VPS13C: variants seen among roughly 807,000 people sequenced by gnomAD.
VPS13C encodes the protein intermembrane lipid transfer protein VPS13C.
In VPS13C, 358 loss-of-function variants were observed where a neutral mutation model predicts 456.8. The observed-to-expected ratio is 0.78, with a 90% confidence interval of 0.72 to 0.86. VPS13C has a LOEUF of 0.86. VPS13C is among the 40% of genes least tolerant of loss of function. The probability of loss-of-function intolerance (pLI) is 0.00; values close to 1 mark genes in which losing one functional copy is unlikely to be tolerated. For missense variants in VPS13C, 4,818 were observed against 4,385.4 expected (o/e 1.10, Z -2.79); for synonymous variants, 1,578 against 1,486.7 (o/e 1.06, Z -1.41).
intron 16 of VPS13C, among the ~76,000 whole-genome samples, chr15:61,999,904 TAA>T (rs71125961): frequency 0.075 from 8,765 of 116,212 alleles, 356 homozygotes; most frequent in Middle Eastern, 0.11. Context: ...AAAGAAAAAG[TAA>T]AAAAAAAAAA....
In VPS13C at chr15:61,972,757, A is replaced by G; in HGVS notation, c.2625T>C (p.Asp875=). Residue 875 remains aspartate (D), a synonymous_variant, in exon 27 of 85, where the codon GAT becomes GAC. Coordinates refer to ENST00000644861, the MANE Select transcript of VPS13C (RefSeq NM_020821.3). ...CATCTTCAGCATCAAAATACTCATC[A>G]TCAGACTCTAAAGGAAAAAGACATT... ...LLLDTVESES[D]DEYFDAEDGE... 6.2e-7 allele frequency: 1 copy of G among 1,609,882 alleles called. No homozygotes were observed. The highest frequency in any genetic ancestry group is 8.5e-7 in the Non-Finnish European group (1 of 1,178,112).
chr15:61,891,695 A>C (rs973952311), intron 66 of VPS13C, among the ~76,000 whole-genome samples: 2 of 152,136 alleles, frequency 1.3e-5, no homozygotes, highest in Non-Finnish European at 2.9e-5. Flanking sequence ...TATGGCTATC[A>C]CTCCTTCTGT....
In VPS13C at chr15:61,876,988, C is replaced by T. The variant is rs780816474; in HGVS notation, c.10209G>A (p.Arg3403=). The change falls in exon 75 of 85, where the codon AGG becomes AGA. Residue 3403 remains arginine, a synonymous_variant. Transcript: ENST00000644861. ...AGGAAATTACCTGTTCACTGTAATG[C>T]CTAACAACACTCCATATAAGCTGAT... The part of the protein sequence containing the change: ...KRDQLIWSVV[R]HYSEQFLKQM... 25 of 1,607,310 alleles carry T rather than the reference C, an allele frequency of 1.6e-5. No homozygotes were observed. The South Asian group carries it at 2.8e-4, about 18-fold the overall frequency.
In VPS13C at chr15:61,991,812, A is replaced by T; in HGVS notation, c.1354-10T>A. On this transcript the variant is annotated splice_polypyrimidine_tract_variant and intron_variant, in intron 16 of 84. Coordinates refer to ENST00000644861, the MANE Select transcript of VPS13C (RefSeq NM_020821.3). ...GCCCAGACCGAATCACCTGAAAAAT[A>T]AAAATTAAAAAATTTACTTTAAGAA... 1 of 1,606,896 alleles carries T rather than the reference A, an allele frequency of 6.2e-7. No homozygotes were observed. Among genetic ancestry groups the T allele is most frequent in the Non-Finnish European group, 8.5e-7 (1 of 1,177,428 alleles).
rs1018081544 is a variant in VPS13C at position 61,920,301 on chromosome 15, C to CA, written c.7242dup (p.Asp2415Ter). 5.0e-6 allele frequency: 8 copies of CA among 1,607,756 alleles called. No homozygotes were observed. The highest frequency in any genetic ancestry group is 6.0e-6 in the Non-Finnish European group (7 of 1,175,822). On this transcript the variant is annotated frameshift_variant, in exon 57 of 85. Transcript: ENST00000644861. LOFTEE classifies it high-confidence loss of function. ...GGAGCTCTGTCCTTTAAAGAGTAGTCAAAAGTAGAAGCAGTGCCCTCTGAA... is the reference window on the plus strand; with the variant it reads ...GGAGCTCTGTCCTTTAAAGAGTAGTCAAAAAGTAGAAGCAGTGCCCTCTGAA...
At chr15:61,998,842 C>T (rs1228201429) in intron 16 of VPS13C, among the ~76,000 whole-genome samples, 1 of 152,080 alleles carries the variant, frequency 6.6e-6, no homozygotes. Flanking sequence ...CTTTCTCCTC[C>T]CACTCCTCAG....
intron 48 of VPS13C, 98 bp from the exon 49 acceptor site, chr15:61,934,429 T>C (rs2044158085): frequency 1.7e-6 from 1 of 585,256 alleles, no homozygotes; most frequent in African/African-American, 1.9e-5. Context: ...TATGACGCTT[T>C]CTGGGATTCT....
At chr15:61,901,613 C>T (rs960884327) in intron 66 of VPS13C, among the ~76,000 whole-genome samples, 2 of 152,092 alleles carry the variant, frequency 1.3e-5, no homozygotes, top group African/African-American at 4.8e-5. Flanking sequence ...CAGGAAACAA[C>T]AGGTGCTGGA....
chr15:62,045,803 T>C (rs1352119312), intron 1 of VPS13C, among the ~76,000 whole-genome samples: 1 of 151,996 alleles, frequency 6.6e-6, no homozygotes, highest in Non-Finnish European at 1.5e-5. Flanking sequence ...CCTAAAGATC[T>C]AAATGTCCAG....
At chr15:61,964,315 T>G (rs902267466) in intron 31 of VPS13C, among the ~76,000 whole-genome samples, 1 of 152,032 alleles carries the variant, frequency 6.6e-6, no homozygotes, top group Non-Finnish European at 1.5e-5. Context: ...TAGATGCTAC[T>G]CCTGAACCCT....
chr15:61,988,424 T>G (rs922376690), intron 18 of VPS13C, among the ~76,000 whole-genome samples: 1 of 152,156 alleles, frequency 6.6e-6, no homozygotes, highest in African/African-American at 2.4e-5. Context: ...GATAAAATTA[T>G]AAAACATTAT....
At chr15:61,890,500 C>T in intron 66 of VPS13C, 100 bp from the exon 67 acceptor site, 7 of 1,044,030 alleles carry the variant, frequency 6.7e-6, no homozygotes, top group Admixed American at 2.7e-5. Context: ...TTAAGAAGCA[C>T]TACTATAAAT....
At chr15:61,975,235 C>T (rs1372060590) in intron 24 of VPS13C, among the ~76,000 whole-genome samples, 5 of 151,610 alleles carry the variant, frequency 3.3e-5, no homozygotes, top group Non-Finnish European at 5.9e-5. Context: ...GACTGAAAAG[C>T]AAACGAAATC....
At chr15:61,934,837 G>C (rs2044173169) in intron 48 of VPS13C, among the ~76,000 whole-genome samples, 1 of 152,094 alleles carries the variant, frequency 6.6e-6, no homozygotes, top group Non-Finnish European at 1.5e-5. Flanking sequence ...TGCAAGCTCT[G>C]CCTCCCAGGT....
intron 53 of VPS13C, among the ~76,000 whole-genome samples, chr15:61,925,143 T>TC (rs1396257110): frequency 1.3e-5 from 2 of 152,102 alleles, no homozygotes; most frequent in Non-Finnish European, 2.9e-5. Context: ...CATCCCTTCT[T>TC]CCCTTCTCTT....
intron 64 of VPS13C, among the ~76,000 whole-genome samples, 194 bp downstream of exon 64, chr15:61,909,982 TG>T (rs1393718981): frequency 5.9e-4 from 24 of 40,718 alleles, no homozygotes; most frequent in Non-Finnish European, 2.2e-4. Flanking sequence ...TGTTGTGGGG[TG>T]GGGGGAGGGG....
At position 61,920,270 on chromosome 15, in the gene VPS13C, G is replaced by GT; in HGVS notation, c.7273dup (p.Thr2425AsnfsTer11). On this transcript the variant is annotated frameshift_variant, in exon 57 of 85. Transcript: ENST00000644861. LOFTEE classifies it high-confidence loss of function. Reference sequence around the variant, plus strand: ...GGGAACACCTACAGCATTTTTTACCGTAAAAGGAGCTCTGTCCTTTAAAGA... The same window carrying GT: ...GGGAACACCTACAGCATTTTTTACCGTTAAAAGGAGCTCTGTCCTTTAAAGA... 1 of 1,613,124 alleles carries GT rather than the reference G, an allele frequency of 6.2e-7. No homozygotes were observed.
At chr15:62,032,945 TAA>T (rs952692414) in intron 5 of VPS13C, among the ~76,000 whole-genome samples, 1 of 151,732 alleles carries the variant, frequency 6.6e-6, no homozygotes, top group Non-Finnish European at 1.5e-5. Flanking sequence ...GGCAGGATGT[TAA>T]AATGCTAAAA....
At chr15:61,930,969 A>G (rs954192121) in intron 50 of VPS13C, 121 bp downstream of exon 50, 9 of 1,135,198 alleles carry the variant, frequency 7.9e-6, no homozygotes, top group Non-Finnish European at 1.2e-5. Context: ...AATTCAAATC[A>G]GGAAGTATGA....
Sources: allele counts gnomAD v4.1 joint callset (sites outside exome capture counted in the v4.1 genomes callset), GRCh38; gene constraint gnomAD v4.1.1; transcripts MANE v1.5; gene names NCBI Gene and HGNC (gene_info 2026-07-23, HGNC 2026-07-21).